KMT2D: variants seen among roughly 807,000 people sequenced by gnomAD.
The protein encoded by KMT2D is histone-lysine N-methyltransferase 2D.
In KMT2D, 55 loss-of-function variants were observed where a neutral mutation model predicts 512.7. That is an observed-to-expected ratio of 0.11 (90% CI 0.09 to 0.13). The LOEUF is 0.13. Ranked by LOEUF, KMT2D falls within the 10% of genes least tolerant of loss-of-function variation. The pLI, the probability that KMT2D is intolerant of heterozygous loss-of-function variation, is 1.00. For missense variants in KMT2D, 6,061 were observed against 7,127.9 expected (o/e 0.85, Z 5.39); for synonymous variants, 2,995 against 2,904.0 (o/e 1.03, Z -1.01).
rs1264328875 is a variant in KMT2D at position 49,034,845 on chromosome 12, T to C, written c.10322A>G (p.Gln3441Arg). The part of the protein sequence containing the change: ...ALKGIKKVMA[Q>R]GSIGVAPGMN... ...ACCAGGTGCCACCCCAATGCTGCCCTGAGCCATCACTTTCTTGATGCCTTT... is the reference window on the plus strand; with the variant it reads ...ACCAGGTGCCACCCCAATGCTGCCCCGAGCCATCACTTTCTTGATGCCTTT... The change falls in exon 36 of 55, where the codon CAG (glutamine) becomes CGG (arginine). Residue 3441 changes from glutamine to arginine, a missense_variant. Gln to Arg is a conservative substitution (Grantham distance 43). Coordinates refer to ENST00000301067, the MANE Select transcript of KMT2D (RefSeq NM_003482.4). The C allele has an allele frequency of 1.9e-6, 3 of 1,614,022 alleles. No individual in the cohort carries two copies. Among genetic ancestry groups the C allele is most frequent in the Non-Finnish European group, 1.7e-6 (2 of 1,179,880 alleles).
rs1487929884 is a variant in KMT2D at position 49,028,100 on chromosome 12, G to A, written c.14424C>T (p.Ser4808=). 6.2e-7 allele frequency: 1 copy of A among 1,613,980 alleles called. No homozygotes were observed. Among genetic ancestry groups the A allele is most frequent in the Non-Finnish European group, 8.5e-7 (1 of 1,179,876 alleles). ...GVMVAVAELL[S]MKIPNSYEVL... is the part of the protein sequence containing the mutation. The stretch of plus-strand genomic sequence containing the variant: ...CCTCATAGGAGTTGGGGATCTTCAT[G>A]CTCAGCAGCTCCGCCACTGCCACCA... The change falls in exon 47 of 55, where the codon AGC becomes AGT. Residue 4808 remains serine, a synonymous_variant. Coordinates refer to ENST00000301067, the MANE Select transcript of KMT2D (RefSeq NM_003482.4).
Position 49,055,324 on chromosome 12 carries a change from TCCCTCTCTCCGACTGGGCAGGG to T in KMT2D, c.-22_-1del. The T allele has an allele frequency of 6.2e-7, 1 of 1,613,946 alleles. No homozygotes were observed. The highest frequency in any genetic ancestry group is 8.5e-7 in the Non-Finnish European group (1 of 1,179,834). ...TCACCAGCCAGCTTCTGGCTGTCCA[TCCCTCTCTCCGACTGGGCAGGG>T]CCCTCTCGGGGAGACCTGTTGGTGC... On this transcript the variant is annotated 5_prime_UTR_variant, in exon 2 of 55. Transcript: ENST00000301067.
intron 35 of KMT2D, among the ~76,000 whole-genome samples, chr12:49,036,749 C>T (rs1383517750): frequency 6.6e-6 from 1 of 152,150 alleles, no homozygotes; most frequent in African/African-American, 2.4e-5. Context: ...ATCCACCTGC[C>T]TTGGTCTCCC....
Position 49,026,806 on chromosome 12 carries a change from G to C in KMT2D, c.15160C>G (p.Leu5054Val), listed in dbSNP as rs2120363089. 6.2e-7 allele frequency: 1 copy of C among 1,613,002 alleles called. No homozygotes were observed. Among genetic ancestry groups the C allele is most frequent in the South Asian group, 1.1e-5 (1 of 91,078 alleles). ...DGPARLLNLD[L>V]DLWVHLNCAL... ...CAGTTGAGGTGCACCCACAGGTCCA[G>C]GTCCAGGTTCAGCAGACGGGCAGGC... Residue 5054 changes from leucine to valine, a missense_variant, in exon 49 of 55, where the codon CTG (leucine) becomes GTG (valine). Leu to Val is a conservative substitution (Grantham distance 32). Around this residue, in one of 16 missense-constraint regions of KMT2D, gnomAD observed 14 missense variants for 53.4 expected, o/e 0.26. Coordinates refer to ENST00000301067, the MANE Select transcript of KMT2D (RefSeq NM_003482.4). This position sits in a 1 kb window ranked among gnomAD's most constrained non-coding sequence, Gnocchi z 9.6.
intron 12 of KMT2D, 64 bp downstream of exon 12, chr12:49,049,617 CA>C (rs1937798758): frequency 6.8e-7 from 1 of 1,479,996 alleles, no homozygotes; most frequent in African/African-American, 1.4e-5. Context: ...GTATCAGTGA[CA>C]CAGGACTGTA....
At position 49,050,897 on chromosome 12, in the gene KMT2D, A is replaced by G. The variant is rs2120659252; in HGVS notation, c.2786T>C (p.Leu929Pro). 6.5e-7 allele frequency: 1 copy of G among 1,536,362 alleles called. No individual in the cohort carries two copies. Among genetic ancestry groups the G allele is most frequent in the Non-Finnish European group, 8.8e-7 (1 of 1,139,412 alleles). ...TAACATCCCCTTACCTGGTGGCATC[A>G]GCTGAGGCGACAAGGATGGCTCCCC... is the stretch of plus-strand genomic sequence containing the variant. ...PSGEPSLSPQ[L>P]MPPDPLPPPL... The change falls in exon 11 of 55, where the codon CTG (leucine) becomes CCG (proline). Residue 929 changes from leucine to proline, a missense_variant. Around this residue, in one of 16 missense-constraint regions of KMT2D, gnomAD observed 848 missense variants for 838.5 expected, o/e 1.01. Coordinates refer to ENST00000301067, the MANE Select transcript of KMT2D (RefSeq NM_003482.4).
At position 49,031,004 on chromosome 12, in the gene KMT2D, C is replaced by G. The variant is rs758268996; in HGVS notation, c.13560G>C (p.Pro4520=). ...TTGCCTTCTGTACCCGCTTGGGCTT[C>G]GGTGTCAAAGGCTTCCTTGCTGCTG... ...EDAAARKPLT[P]KPKRVQKASD... is the part of the protein sequence containing the mutation. The change falls in exon 41 of 55, where the codon CCG becomes CCC. Residue 4520 remains proline (P), a synonymous_variant. Coordinates refer to ENST00000301067, the MANE Select transcript of KMT2D (RefSeq NM_003482.4). The G allele has an allele frequency of 6.2e-7, 1 of 1,613,942 alleles. No individual in the cohort carries two copies. The highest frequency in any genetic ancestry group is 8.5e-7 in the Non-Finnish European group (1 of 1,179,882).
At position 49,039,157 on chromosome 12, in the gene KMT2D, A is replaced by G; in HGVS notation, c.8366+65T>C. The G allele has an allele frequency of 6.3e-7, 1 of 1,590,370 alleles. No homozygotes were observed. Among genetic ancestry groups the G allele is most frequent in the South Asian group, 1.1e-5 (1 of 89,078 alleles). ...ATTAGTGATACAGGAAAATCACAAG[A>G]GCTTCCAACAGTGATAAAATCCATC... On this transcript the variant is annotated intron_variant, in intron 34 of 54. Coordinates refer to ENST00000301067, the MANE Select transcript of KMT2D (RefSeq NM_003482.4). The surrounding 1 kb of genome is among the most constrained non-coding windows in gnomAD (Gnocchi z 5.0).
At position 49,052,921 on chromosome 12, in the gene KMT2D, C is replaced by T. The variant is rs759891330; in HGVS notation, c.1106G>A (p.Cys369Tyr). Residue 369 changes from cysteine to tyrosine, a missense_variant, in exon 9 of 55, where the codon TGT (cysteine) becomes TAT (tyrosine). Around this residue, in one of 16 missense-constraint regions of KMT2D, gnomAD observed 848 missense variants for 838.5 expected, o/e 1.01. Transcript: ENST00000301067. The stretch of plus-strand genomic sequence containing the variant: ...GTCAGTCCCCACCACTTACCTGCTA[C>T]ACACCGGGGTATGCTGCTCAGCAAC... Reference protein sequence around the residue: ...RSVAEQHTPVCSRFSPPEPGD... With the variant: ...RSVAEQHTPVYSRFSPPEPGD... 5.0e-6 allele frequency: 8 copies of T among 1,613,856 alleles called. No individual in the cohort carries two copies. In the Admixed American group the frequency reaches 1.3e-4, roughly 27 times the overall value.
rs755031010 is a variant in KMT2D at position 49,038,048 on chromosome 12, G to A, written c.9308C>T (p.Ala3103Val). The change falls in exon 35 of 55, where the codon GCT becomes GTT. Residue 3103 changes from alanine (A) to valine (V), a missense_variant. Ala to Val is a moderately conservative substitution (Grantham distance 64, BLOSUM62 0). Coordinates refer to ENST00000301067, the MANE Select transcript of KMT2D (RefSeq NM_003482.4). This position sits in a 1 kb window ranked among gnomAD's most constrained non-coding sequence, Gnocchi z 5.7. ...PLGPEERPPPAADASEPRLAS... is the reference protein window; with the variant it reads ...PLGPEERPPPVADASEPRLAS... ...CAGGCGGGGTTCAGAGGCATCAGCA[G>A]CAGGGGGAGGGCGCTCCTCAGGGCC... The A allele has an allele frequency of 2.5e-6, 4 of 1,612,042 alleles. No homozygotes were observed. The Admixed American group carries it at 6.7e-5, about 27-fold the overall frequency.
intron 1 of KMT2D, 44 bp from the exon 2 acceptor site, chr12:49,055,405 C>G (rs960683259): frequency 7.5e-7 from 1 of 1,329,742 alleles, no homozygotes. Context: ...CTAAGTCTTC[C>G]CAAGAAGCAT....
rs1432868114 is a variant in KMT2D at position 49,032,564 on chromosome 12, C to A, written c.12141G>T (p.Gly4047=). The change falls in exon 40 of 55, where the codon GGG becomes GGT. Residue 4047 remains glycine, a synonymous_variant. Coordinates refer to ENST00000301067, the MANE Select transcript of KMT2D (RefSeq NM_003482.4). Reference sequence around the variant, plus strand: ...CAGGGGTAGTTCCTATTGCTAACGGCCCTCCCTGATGTGTAGAGGGCCCCT... The same window carrying A: ...CAGGGGTAGTTCCTATTGCTAACGGACCTCCCTGATGTGTAGAGGGCCCCT... The part of the protein sequence containing the change: ...ATEGPSTHQG[G]PLAIGTTPES... 1 of 1,613,152 alleles carries A rather than the reference C, an allele frequency of 6.2e-7. No individual in the cohort carries two copies. Among genetic ancestry groups the A allele is most frequent in the Non-Finnish European group, 8.5e-7 (1 of 1,179,538 alleles).
chr12:49,045,849 G>T (rs2120595023), intron 19 of KMT2D, 71 bp downstream of exon 19: 1 of 1,253,548 alleles, frequency 8.0e-7, no homozygotes. Context: ...ATGAAGCTAG[G>T]GGGTTGGAGC....
At chr12:49,035,473 A>G (rs1943175112) in intron 35 of KMT2D, 1 of 152,468 alleles carries the variant, frequency 6.6e-6, no homozygotes, top group Non-Finnish European at 1.5e-5. Flanking sequence ...ACCAACCACC[A>G]AAAACTTACA....
rs1283851973 is a variant in KMT2D, at chr12:49,026,604, G to C, written c.15362C>G (p.Ala5121Gly). 4 of 1,613,890 alleles carry C rather than the reference G, an allele frequency of 2.5e-6. No homozygotes were observed. Among genetic ancestry groups the C allele is most frequent in the Non-Finnish European group, 2.5e-6 (3 of 1,179,914 alleles). Residue 5121 changes from alanine to glycine, a missense_variant, in exon 49 of 55, where the codon GCC becomes GGC. By Grantham distance (60) the Ala-to-Gly change is moderately conservative (BLOSUM62 0). Transcript: ENST00000301067. The surrounding 1 kb of genome is among the most constrained non-coding windows in gnomAD (Gnocchi z 9.6). Reference protein sequence around the residue: ...NVYHFACAIRAKCMFFKDKTM... With the variant: ...NVYHFACAIRGKCMFFKDKTM... ...CTTGTCCTTGAAGAACATGCACTTG[G>C]CACGGATGGCACAAGCAAAATGGTA...
rs1943547264 is a variant in KMT2D, at chr12:49,041,849, G to A, written c.6183+68C>T. On this transcript the variant is annotated intron_variant, in intron 30 of 54. Transcript: ENST00000301067. This position sits in a 1 kb window ranked among gnomAD's most constrained non-coding sequence, Gnocchi z 5.4. ...GGAGTGGGGAGCGGAAAGAACTGAGGTAAATTACCCAAAGATCCCTCCCTC... is the reference window on the plus strand; with the variant it reads ...GGAGTGGGGAGCGGAAAGAACTGAGATAAATTACCCAAAGATCCCTCCCTC... 6.5e-6 allele frequency: 10 copies of A among 1,534,088 alleles called. No homozygotes were observed. Among genetic ancestry groups the A allele is most frequent in the Admixed American group, 1.9e-5 (1 of 51,488 alleles).
chr12:49,058,775 G>T (rs960929119), intron 1 of KMT2D, among the ~76,000 whole-genome samples: 2 of 152,166 alleles, frequency 1.3e-5, no homozygotes, highest in African/African-American at 4.8e-5. Flanking sequence ...ACTGGCCAGG[G>T]ACTCATGGGC....
In KMT2D at chr12:49,051,971, C is replaced by A. The variant is rs759064297; in HGVS notation, c.1712G>T (p.Arg571Leu). Residue 571 changes from arginine (R) to leucine (L), a missense_variant, in exon 11 of 55, where the codon CGC becomes CTC. Arg to Leu is a moderately radical substitution (Grantham distance 102). Coordinates refer to ENST00000301067, the MANE Select transcript of KMT2D (RefSeq NM_003482.4). ...TGACTCCTCAGGTGGTGGAGACAGG[C>A]GAGATGCTTCAGGTGGCGGGGAAGT... The part of the protein sequence containing the change: ...LPTSPPPEAS[R>L]LSPPPEESPM... 2 of 1,604,184 alleles carry A rather than the reference C, an allele frequency of 1.2e-6. No individual in the cohort carries two copies. Among genetic ancestry groups the A allele is most frequent in the Non-Finnish European group, 8.5e-7 (1 of 1,176,630 alleles).
Position 49,033,863 on chromosome 12 carries a change from T to C in KMT2D, c.10842A>G (p.Ser3614=). The C allele has an allele frequency of 6.4e-7, 1 of 1,558,402 alleles. No individual in the cohort carries two copies. Among genetic ancestry groups the C allele is most frequent in the Non-Finnish European group, 8.7e-7 (1 of 1,153,568 alleles). ...GGGAAGGGCTGAGAGCCAGCACAGC[T>C]GAGTGCTGTTGCTGTTGTTGCTGCT... The part of the protein sequence containing the change: ...QQQQQQQQQH[S]AVLALSPSQS... The change falls in exon 40 of 55, where the codon TCA becomes TCG. Residue 3614 remains serine, a synonymous_variant. Coordinates refer to ENST00000301067, the MANE Select transcript of KMT2D (RefSeq NM_003482.4).
Sources: gnomAD v4.1 joint callset for allele counts (sites outside exome capture counted in the v4.1 genomes callset) on GRCh38, gnomAD v4.1.1 for gene constraint, gnomAD v4.1.1 regional missense constraint, Gnocchi (gnomAD v3.1) non-coding constraint, MANE v1.5 for transcripts, NCBI Gene and HGNC (gene_info 2026-07-23, HGNC 2026-07-21) for gene names.